The following COL8A2 variants were observed in gnomAD, a reference collection of about 807,000 sequenced individuals.
COL8A2 encodes the protein collagen alpha-2(VIII) chain.
COL8A2 carries 16 observed loss-of-function variants against 24.0 expected under a neutral mutation model. That is an observed-to-expected ratio of 0.67 (90% CI 0.45 to 1.01). The LOEUF (loss-of-function observed/expected upper bound fraction) is 1.01. Among genes scored for constraint, COL8A2 ranks in the 50% least tolerant of loss-of-function variants. COL8A2 has a pLI of 0.00. For missense variants in COL8A2, 818 were observed against 942.4 expected (o/e 0.87, Z 1.73); for synonymous variants, 466 against 424.5 (o/e 1.10, Z -1.20).
chr1:36,111,067 C>G (rs1230818776), intron 2 of COL8A2, among the ~76,000 whole-genome samples: 1 of 152,196 alleles, frequency 6.6e-6, no homozygotes, highest in Non-Finnish European at 1.5e-5. Context: ...TCCCATCCTC[C>G]TTTCCTGAAT....
chr1:36,124,239 G>A (rs1186766535), intron 1 of COL8A2, among the ~76,000 whole-genome samples: 1 of 152,164 alleles, frequency 6.6e-6, no homozygotes, highest in East Asian at 1.9e-4. Flanking sequence ...TCTCACACAG[G>A]CACACACACG....
rs1643943323 is a variant in COL8A2 at position 36,125,138 on chromosome 1, G to A, written c.-143C>T. 3 of 792,782 alleles carry A rather than the reference G, an allele frequency of 3.8e-6. No individual in the cohort carries two copies. Among genetic ancestry groups the A allele is most frequent in the Non-Finnish European group, 3.0e-6 (2 of 656,230 alleles). 49.1% of individuals were successfully genotyped at this position (792,782 alleles called of 1,614,324 possible). On this transcript the variant is annotated 5_prime_UTR_variant, in exon 1 of 4. Coordinates refer to ENST00000397799, the MANE Select transcript of COL8A2 (RefSeq NM_005202.4). The surrounding 1 kb of genome is among the most constrained non-coding windows in gnomAD (Gnocchi z 4.5). ...AGGGCTCCGGGCAGGGGCGTCCGCG[G>A]CTGGGCGGGCGGCGTTGGGGTCCGG...
chr1:36,109,365 G>A (rs1415486712), intron 2 of COL8A2, among the ~76,000 whole-genome samples: 2 of 152,122 alleles, frequency 1.3e-5, no homozygotes, highest in Non-Finnish European at 2.9e-5. Context: ...ATCACAACAG[G>A]TGAACAGCAC....
chr1:36,114,195 T>C (rs1643868458), intron 2 of COL8A2, among the ~76,000 whole-genome samples: 1 of 151,476 alleles, frequency 6.6e-6, no homozygotes, highest in Admixed American at 6.6e-5. Context: ...AGAGGGCGCC[T>C]ATAGTCCCAG....
At chr1:36,117,461 C>G (rs1294420773) in intron 1 of COL8A2, among the ~76,000 whole-genome samples, 1 of 152,152 alleles carries the variant, frequency 6.6e-6, no homozygotes, top group Non-Finnish European at 1.5e-5. Flanking sequence ...AAGGCAACAG[C>G]ATGTGTGAGA....
chr1:36,100,552 C>G (rs1375814176), intron 2 of COL8A2, among the ~76,000 whole-genome samples: 2 of 152,272 alleles, frequency 1.3e-5, no homozygotes, highest in East Asian at 3.9e-4. Context: ...CAGTCACTCT[C>G]TGCAGCCGGG....
chr1:36,121,156 C>A (rs1167237204), intron 1 of COL8A2, among the ~76,000 whole-genome samples: 2 of 149,824 alleles, frequency 1.3e-5, no homozygotes, highest in East Asian at 3.9e-4. Context: ...TTTGGGAGGC[C>A]AAGGCGGGTA....
chr1:36,097,501 T>G lies in COL8A2; in HGVS notation c.*68A>C. 3 of 1,285,782 alleles carry G rather than the reference T, an allele frequency of 2.3e-6. No homozygotes were observed. Among genetic ancestry groups the G allele is most frequent in the Non-Finnish European group, 2.2e-6 (2 of 920,728 alleles). 79.6% of individuals were successfully genotyped at this position (1,285,782 alleles called of 1,614,324 possible). A position where few individuals can be genotyped will look rare whatever the true frequency, so the allele number is the denominator to read the frequency against. On this transcript the variant is annotated 3_prime_UTR_variant, in exon 4 of 4. Transcript: ENST00000397799. ...TTTGTTTTTTTTTCCAGGAGGTTCT[T>G]TGTAATTGAAAAGGTCGCTCTACCA...
At chr1:36,109,380 G>T (rs938504408) in intron 2 of COL8A2, among the ~76,000 whole-genome samples, 2 of 152,068 alleles carry the variant, frequency 1.3e-5, no homozygotes, top group Non-Finnish European at 2.9e-5. Context: ...CAGCACTTCT[G>T]GCTCAGGCCC....
At chr1:36,121,558 A>G (rs1643914458) in intron 1 of COL8A2, among the ~76,000 whole-genome samples, 1 of 151,038 alleles carries the variant, frequency 6.6e-6, no homozygotes, top group Admixed American at 6.6e-5. Context: ...AATACAAAAA[A>G]TTAGCCGGGC....
chr1:36,113,163 C>A (rs990230852), intron 2 of COL8A2, among the ~76,000 whole-genome samples: 2 of 152,180 alleles, frequency 1.3e-5, no homozygotes, highest in African/African-American at 4.8e-5. Context: ...ACCAGCTCAA[C>A]GCAGGAGCCA....
chr1:36,116,058 C>CAA (rs59712874), intron 1 of COL8A2, among the ~76,000 whole-genome samples: 76 of 129,066 alleles, frequency 5.9e-4, no homozygotes, highest in Admixed American at 2.2e-3. Context: ...GACTCTGTCT[C>CAA]AAAAAAAAAA....
At chr1:36,103,433 C>T (rs566378688) in intron 2 of COL8A2, among the ~76,000 whole-genome samples, 9 of 152,088 alleles carry the variant, frequency 5.9e-5, no homozygotes, top group East Asian at 1.9e-4. Context: ...CCAACACGCC[C>T]GGCTAATTTT....
chr1:36,102,877 T>C (rs978600336), intron 2 of COL8A2, among the ~76,000 whole-genome samples: 12 of 152,084 alleles, frequency 7.9e-5, no homozygotes, highest in Non-Finnish European at 1.8e-4. Context: ...TTCACCATGT[T>C]GGCCAGGCTG....
At chr1:36,109,791 A>G (rs116511939) in intron 2 of COL8A2, among the ~76,000 whole-genome samples, 6 of 151,746 alleles carry the variant, frequency 4.0e-5, no homozygotes, top group African/African-American at 1.4e-4. Flanking sequence ...TCTACTAGGT[A>G]GACACCATGT....
chr1:36,098,340 T>G lies in COL8A2; in HGVS notation c.1341A>C (p.Lys447Asn). 1 of 1,550,674 alleles carries G rather than the reference T, an allele frequency of 6.4e-7. No individual in the cohort carries two copies. Among genetic ancestry groups the G allele is most frequent in the Non-Finnish European group, 8.7e-7 (1 of 1,147,742 alleles). The change falls in exon 4 of 4, where the codon AAA becomes AAC. Residue 447 changes from lysine (K) to asparagine (N), a missense_variant. Coordinates refer to ENST00000397799, the MANE Select transcript of COL8A2 (RefSeq NM_005202.4). ...GCTGCCCAGGGAGCCCCAAGTCACC[T>G]TTCTGCCCCAGGGCTCCTGCCACCC... ...GPGVAGALGQ[K>N]GDLGLPGQPG...
At chr1:36,113,277 G>A (rs181478193) in intron 2 of COL8A2, among the ~76,000 whole-genome samples, 7 of 152,268 alleles carry the variant, frequency 4.6e-5, no homozygotes, top group East Asian at 1.9e-4. Context: ...GTCTCTGTGC[G>A]TCTCTCTCAT....
At position 36,097,858 on chromosome 1, in the gene COL8A2, G is replaced by A. The variant is rs773184010; in HGVS notation, c.1823C>T (p.Ala608Val). Residue 608 changes from alanine (A) to valine (V), a missense_variant, in exon 4 of 4, where the codon GCC becomes GTC. By Grantham distance (64) the Ala-to-Val change is moderately conservative (BLOSUM62 0). This residue lies in a region of COL8A2 where 235 missense variants were observed against 297.3 expected (regional missense o/e 0.79). Transcript: ENST00000397799. ...LYNGHSGYNP[A>V]TGIFTCPVGG... is the part of the protein sequence containing the mutation. ...CACAGGGCAGGTGAAGATGCCAGTG[G>A]CTGGGTTGTAGCCGCTGTGGCCATT... The A allele has an allele frequency of 6.2e-7, 1 of 1,612,712 alleles. No homozygotes were observed. The highest frequency in any genetic ancestry group is 2.2e-5 in the East Asian group (1 of 44,888).
At chr1:36,106,275 C>T (rs1016214264) in intron 2 of COL8A2, among the ~76,000 whole-genome samples, 38 of 142,052 alleles carry the variant, frequency 2.7e-4, no homozygotes, top group Admixed American at 6.4e-4. Flanking sequence ...AAAAAAACAA[C>T]AAAAAAAAAA....
Sources: allele counts gnomAD v4.1 joint callset (sites outside exome capture counted in the v4.1 genomes callset), GRCh38; gene constraint gnomAD v4.1.1; regional missense constraint gnomAD v4.1.1; non-coding constraint Gnocchi (gnomAD v3.1); transcripts MANE v1.5; gene names NCBI Gene and HGNC (gene_info 2026-07-23, HGNC 2026-07-21).